Variants in SLC14A2 observed in about 807,000 individuals in gnomAD.
The protein encoded by SLC14A2 is urea transporter 2.
Under a neutral mutation model 104.6 loss-of-function variants are expected in SLC14A2, and 91 were observed. The observed-to-expected ratio is 0.87, with a 90% CI of 0.73 to 1.04. SLC14A2 has a LOEUF of 1.04. Among genes scored for constraint, SLC14A2 ranks in the 50% least tolerant of loss-of-function variants. The pLI, the probability that SLC14A2 is intolerant of heterozygous loss-of-function variation, is 0.00. For missense variants in SLC14A2, 1,189 were observed against 1,156.0 expected, an observed-to-expected ratio of 1.03 and a Z score of -0.41; for synonymous variants, 476 against 466.4, an observed-to-expected ratio of 1.02 and a Z score of -0.27.
chr18:45,434,482 T>C (rs1205256217), intron 1 of SLC14A2, among the ~76,000 whole-genome samples: 1 of 152,120 alleles, frequency 6.6e-6, no homozygotes, highest in East Asian at 1.9e-4. Context: ...GTTGTTGTTG[T>C]TGTTGTTTGC....
chr18:45,245,264 C>T (rs528274693), intron 1 of SLC14A2, among the ~76,000 whole-genome samples: 122 of 152,156 alleles, frequency 8.0e-4, no homozygotes, highest in Admixed American at 1.3e-3. Flanking sequence ...ATTTTATAAC[C>T]CTGGCTTGCC....
chr18:45,266,039 G>A (rs1170839176), intron 1 of SLC14A2, among the ~76,000 whole-genome samples: 1 of 152,116 alleles, frequency 6.6e-6, no homozygotes, highest in African/African-American at 2.4e-5. Flanking sequence ...CAAAAAACAG[G>A]TAAGGAGAAT....
At chr18:45,204,036 T>C in the SLC14A2 span, among the ~76,000 whole-genome samples, 9 of 152,220 alleles carry the variant, frequency 5.9e-5, no homozygotes, top group Non-Finnish European at 1.3e-4. Context: ...ATATGCATTA[T>C]CCTAAGGGGC....
At chr18:45,254,191 G>A (rs752769282) in intron 1 of SLC14A2, among the ~76,000 whole-genome samples, 2 of 152,220 alleles carry the variant, frequency 1.3e-5, no homozygotes, top group Non-Finnish European at 2.9e-5. Context: ...AGCTGGCCAT[G>A]TGCCTCCTCA....
chr18:45,530,588 A>G (rs1037516033), intron 2 of SLC14A2, among the ~76,000 whole-genome samples: 2 of 152,106 alleles, frequency 1.3e-5, no homozygotes, highest in African/African-American at 4.8e-5. Flanking sequence ...ATGTCTAAAT[A>G]TGTTAGAAAT....
At chr18:45,191,158 C>T in the SLC14A2 span, among the ~76,000 whole-genome samples, 35 of 152,128 alleles carry the variant, frequency 2.3e-4, no homozygotes, top group Admixed American at 4.6e-4. Flanking sequence ...TAGATTCTGA[C>T]CCCAGTCCTC....
intron 2 of SLC14A2, among the ~76,000 whole-genome samples, chr18:45,500,911 CAGATA>C (rs1456396746): frequency 2.0e-5 from 3 of 152,162 alleles, no homozygotes; most frequent in Non-Finnish European, 4.4e-5. Context: ...TGGTCACTGT[CAGATA>C]AGATAACATA....
At chr18:45,515,970 T>C (rs1156770071) in intron 2 of SLC14A2, among the ~76,000 whole-genome samples, 13 of 152,248 alleles carry the variant, frequency 8.5e-5, no homozygotes. Context: ...CTGTAAGAAC[T>C]CAAGTTGATA....
rs544046922 is a variant in SLC14A2, at chr18:45,311,285, C to G, written c.-125+98094C>G. On this transcript the variant is annotated intron_variant, in intron 1 of 20. Coordinates refer to the SLC14A2 transcript ENST00000586448. ...CTGAAATATCACCCAGTAATCATAT[C>G]AGCATACTTAGCCCCTGCTATAGTC... is the stretch of plus-strand genomic sequence containing the variant. Among the ~76,000 whole-genome samples the G allele has an allele frequency of 7.2e-5, 11 of 152,306 alleles. No homozygotes were observed. In the South Asian group the frequency reaches 2.1e-3, roughly 29 times the overall value.
chr18:45,186,409 CAAA>C, the SLC14A2 span, among the ~76,000 whole-genome samples: 5,129 of 152,020 alleles, frequency 0.034, 294 homozygotes, highest in African/African-American at 0.12. Flanking sequence ...TATTTGTAGG[CAAA>C]AAAATTAATA....
chr18:45,480,121 T>A (rs1568230858), intron 1 of SLC14A2, among the ~76,000 whole-genome samples: 3 of 152,118 alleles, frequency 2.0e-5, no homozygotes, highest in Non-Finnish European at 2.9e-5. Context: ...AAAAAGTATG[T>A]CTCAGACTAT....
At chr18:45,648,974 A>G (rs552922155) in intron 10 of SLC14A2, among the ~76,000 whole-genome samples, 67 of 152,288 alleles carry the variant, frequency 4.4e-4, no homozygotes, top group African/African-American at 1.5e-3. Context: ...GATAGAGACC[A>G]TCCTGGCTAA....
chr18:45,571,300 A>G (rs911854665), intron 2 of SLC14A2, among the ~76,000 whole-genome samples: 1 of 152,238 alleles, frequency 6.6e-6, no homozygotes, highest in Non-Finnish European at 1.5e-5. Flanking sequence ...TTTCAAACAC[A>G]ATGGAGCCAT....
At chr18:45,471,596 T>C (rs1441987346) in intron 1 of SLC14A2, among the ~76,000 whole-genome samples, 2 of 152,170 alleles carry the variant, frequency 1.3e-5, no homozygotes, top group Non-Finnish European at 2.9e-5. Context: ...TTCTTTCTTA[T>C]TCCTTTTTAA....
At chr18:45,316,603 G>A (rs925288835) in intron 1 of SLC14A2, among the ~76,000 whole-genome samples, 6 of 152,160 alleles carry the variant, frequency 3.9e-5, no homozygotes, top group East Asian at 1.9e-4. Context: ...CTCATGATGC[G>A]TGGACCTACC....
intron 4 of SLC14A2, among the ~76,000 whole-genome samples, chr18:45,630,503 T>G (rs1277029594): frequency 1.3e-5 from 2 of 152,190 alleles, no homozygotes; most frequent in African/African-American, 2.4e-5. Flanking sequence ...GAGACCTTTT[T>G]GGCACTGGAG....
chr18:45,573,149 A>C (rs1307826402), intron 2 of SLC14A2, among the ~76,000 whole-genome samples: 1 of 152,182 alleles, frequency 6.6e-6, no homozygotes, highest in Non-Finnish European at 1.5e-5. Context: ...TAATAGATTG[A>C]TTCACAAATT....
chr18:45,207,055 C>A, the SLC14A2 span, among the ~76,000 whole-genome samples: 6 of 152,110 alleles, frequency 3.9e-5, no homozygotes, highest in African/African-American at 1.4e-4. Flanking sequence ...ATATCATTTA[C>A]TCTGGTACCT....
intron 2 of SLC14A2, among the ~76,000 whole-genome samples, chr18:45,524,063 A>C (rs1030291835): frequency 6.6e-6 from 1 of 152,228 alleles, no homozygotes; most frequent in African/African-American, 2.4e-5. Flanking sequence ...TGCCTCTAAT[A>C]CCTGTCTTTC....
Sources: gnomAD v4.1 joint callset for allele counts (sites outside exome capture counted in the v4.1 genomes callset) on GRCh38, gnomAD v4.1.1 for gene constraint, MANE v1.5 for transcripts, NCBI Gene and HGNC (gene_info 2026-07-23, HGNC 2026-07-21) for gene names.